The following ACVR1C variants were observed in gnomAD, a reference collection of about 807,000 sequenced individuals.
ACVR1C encodes activin receptor type-1C.
A neutral mutation model predicts 57.9 loss-of-function variants in ACVR1C; 23 were observed. That is an observed-to-expected ratio of 0.40 (90% confidence interval 0.29 to 0.56). ACVR1C has a LOEUF of 0.56. Among genes scored for constraint, ACVR1C ranks in the 20% least tolerant of loss-of-function variants. ACVR1C has a pLI of 0.50. For synonymous variants in ACVR1C, 214 were observed against 215.3 expected, an observed-to-expected ratio of 0.99 and a Z score of 0.05; for missense variants, 480 against 607.9, an observed-to-expected ratio of 0.79 and a Z score of 2.21.
chr2:157,624,939 T>A (rs774921327), intron 1 of ACVR1C, among the ~76,000 whole-genome samples: 24 of 152,216 alleles, frequency 1.6e-4, no homozygotes, highest in Non-Finnish European at 3.2e-4. Context: ...ACACTTATAC[T>A]AAAGAGGTAT....
Position 157,598,220 on chromosome 2 carries a change from C to T in ACVR1C, c.74-10803G>A, listed in dbSNP as rs542388127. On this transcript the variant is annotated intron_variant, in intron 1 of 8. Transcript: ENST00000243349. Reference sequence around the variant, plus strand: ...ACATTGAAAAAAAAAAAAAAAGCATCCTCTATTACTATGATTTCAAAAAAG... The same window carrying T: ...ACATTGAAAAAAAAAAAAAAAGCATTCTCTATTACTATGATTTCAAAAAAG... Among the ~76,000 whole-genome samples the T allele has an allele frequency of 2.6e-4, 37 of 143,972 alleles. No homozygotes were observed. In the South Asian group the frequency reaches 7.7e-3, roughly 30 times the overall value. 94.5% of individuals were successfully genotyped at this position (143,972 alleles called of 152,430 possible). A position where few individuals can be genotyped will look rare whatever the true frequency, so the allele number is the denominator to read the frequency against.
At chr2:157,586,434 CATTAA>C (rs1688922781) in intron 2 of ACVR1C, among the ~76,000 whole-genome samples, 1 of 151,886 alleles carries the variant, frequency 6.6e-6, no homozygotes, top group Non-Finnish European at 1.5e-5. Context: ...TATTGATAAT[CATTAA>C]ATTATTGTTA....
At chr2:157,534,820 C>T (rs1490839804) in intron 8 of ACVR1C, among the ~76,000 whole-genome samples, 2 of 152,014 alleles carry the variant, frequency 1.3e-5, no homozygotes, top group African/African-American at 4.8e-5. Context: ...TGATGGATCG[C>T]ATGTAATAGA....
Position 157,566,065 on chromosome 2 carries a change from G to A in ACVR1C, c.305-9733C>T, listed in dbSNP as rs149009615. On this transcript the variant is annotated intron_variant, in intron 2 of 8. Coordinates refer to ENST00000243349, the MANE Select transcript of ACVR1C (RefSeq NM_145259.3). ...TTAATTTCAGGACACATACCTAGCA[G>A]AAATGATAGTCTCTTAATCTCTGTT... 3.4e-3 allele frequency among the ~76,000 whole-genome samples: 514 copies of A among 152,308 alleles called. 1 individual carries two copies. The highest frequency in any genetic ancestry group is 0.012 in the African/African-American group (490 of 41,572).
intron 1 of ACVR1C, among the ~76,000 whole-genome samples, chr2:157,617,591 A>C (rs1386416111): frequency 6.6e-6 from 1 of 152,094 alleles, no homozygotes; most frequent in Non-Finnish European, 1.5e-5. Context: ...TCAAAATTTC[A>C]TGAGTACACA....
At chr2:157,598,507 G>T (rs1018535005) in intron 1 of ACVR1C, among the ~76,000 whole-genome samples, 1 of 150,404 alleles carries the variant, frequency 6.6e-6, no homozygotes, top group Non-Finnish European at 1.5e-5. Flanking sequence ...AAACATAATT[G>T]TATTTTATAA....
In ACVR1C at chr2:157,628,675, G is replaced by C. The variant is rs1290079505; in HGVS notation, c.-31C>G. The C allele has an allele frequency of 1.3e-6, 2 of 1,538,372 alleles. No homozygotes were observed. Among genetic ancestry groups the C allele is most frequent in the Admixed American group, 2.0e-5 (1 of 50,744 alleles). On this transcript the variant is annotated 5_prime_UTR_variant, in exon 1 of 9. Transcript: ENST00000243349. ...CCAGGCGGCCGCGCCGGGGCTGCGA[G>C]GCCCCAGAGCAGAGCGAGGCAGCCG...
chr2:157,602,926 T>C (rs1262198863), intron 1 of ACVR1C, among the ~76,000 whole-genome samples: 1 of 152,190 alleles, frequency 6.6e-6, no homozygotes, highest in Non-Finnish European at 1.5e-5. Flanking sequence ...GTTAAAGTCA[T>C]TTCTTGTTCC....
intron 2 of ACVR1C, among the ~76,000 whole-genome samples, chr2:157,585,302 GTAAA>G (rs1401918816): frequency 6.6e-6 from 1 of 151,968 alleles, no homozygotes; most frequent in African/African-American, 2.4e-5. Flanking sequence ...CTATTTTTTT[GTAAA>G]TAAATAAATA....
intron 1 of ACVR1C, among the ~76,000 whole-genome samples, chr2:157,620,478 T>C (rs1438974755): frequency 6.6e-6 from 1 of 152,134 alleles, no homozygotes; most frequent in Non-Finnish European, 1.5e-5. Flanking sequence ...TACTTAATAC[T>C]CTTTAATATA....
At chr2:157,538,428 G>T in intron 8 of ACVR1C, 145 bp downstream of exon 8, 1 of 747,930 alleles carries the variant, frequency 1.3e-6, no homozygotes, top group Non-Finnish European at 1.9e-6. Flanking sequence ...CACTAAAGGG[G>T]AAAAAATCCT....
chr2:157,609,629 G>C (rs569851743), intron 1 of ACVR1C, among the ~76,000 whole-genome samples: 1 of 152,018 alleles, frequency 6.6e-6, no homozygotes, highest in African/African-American at 2.4e-5. Flanking sequence ...AGTAATATCT[G>C]CTTCATGAAT....
Position 157,526,910 on chromosome 2 carries a change from A to G in ACVR1C, c.*7008T>C, listed in dbSNP as rs547565581. The stretch of plus-strand genomic sequence containing the variant: ...ATACATAAAAATATAACATTTAGGC[A>G]GATAATTATTTACATCTGAAGACAG... On this transcript the variant is annotated 3_prime_UTR_variant, in exon 9 of 9. Transcript: ENST00000243349. 6.6e-6 allele frequency: 1 copy of G among 152,326 alleles called. No individual in the cohort carries two copies. The highest frequency in any genetic ancestry group is 1.9e-4 in the East Asian group (1 of 5,188). The allele number at this position is 152,326 out of a possible 1,614,324, so 9.4% of individuals were successfully genotyped here.
intron 2 of ACVR1C, among the ~76,000 whole-genome samples, chr2:157,574,718 C>CA: frequency 6.6e-6 from 1 of 152,122 alleles, no homozygotes; most frequent in Non-Finnish European, 1.5e-5. Flanking sequence ...CTACAAATAA[C>CA]AAAGGAAACC....
intron 3 of ACVR1C, among the ~76,000 whole-genome samples, chr2:157,554,197 A>AG (rs1307922240): frequency 2.5e-5 from 3 of 118,818 alleles, no homozygotes; most frequent in Admixed American, 9.1e-5. Context: ...AAAAATAAAG[A>AG]AGAGAGAAAG....
chr2:157,553,995 C>T (rs1351178176), intron 3 of ACVR1C, among the ~76,000 whole-genome samples: 1 of 151,420 alleles, frequency 6.6e-6, no homozygotes, highest in African/African-American at 2.4e-5. Context: ...CCAGCCTGGC[C>T]AACATGGTGA....
At chr2:157,585,276 A>G (rs1688891609) in intron 2 of ACVR1C, among the ~76,000 whole-genome samples, 1 of 152,204 alleles carries the variant, frequency 6.6e-6, no homozygotes, top group Non-Finnish European at 1.5e-5. Context: ...CATCACACAT[A>G]TTCTCGATAA....
intron 2 of ACVR1C, among the ~76,000 whole-genome samples, chr2:157,565,449 G>A (rs931964838): frequency 2.0e-5 from 3 of 151,964 alleles, no homozygotes; most frequent in Non-Finnish European, 2.9e-5. Flanking sequence ...AAGTTAATTC[G>A]CTTAGATCCC....
chr2:157,544,560 G>A lies in ACVR1C; in HGVS notation c.828C>T (p.Gly276=), dbSNP rs748439879. Reference sequence around the variant, plus strand: ...TTCTATTCAAATAGTCATATAAGGAGCCCTGTTCATGATATTCAGATACCA... The same window carrying A: ...TTCTATTCAAATAGTCATATAAGGAACCCTGTTCATGATATTCAGATACCA... ...LWLVSEYHEQ[G]SLYDYLNRNI... The change falls in exon 5 of 9, where the codon GGC becomes GGT. Residue 276 remains glycine, a synonymous_variant. Transcript: ENST00000243349. The A allele has an allele frequency of 3.1e-6, 5 of 1,613,474 alleles. No homozygotes were observed. In the African/African-American group the frequency reaches 6.7e-5, roughly 22 times the overall value.
Sources: allele counts gnomAD v4.1 joint callset (sites outside exome capture counted in the v4.1 genomes callset), GRCh38; gene constraint gnomAD v4.1.1; transcripts MANE v1.5; gene names NCBI Gene and HGNC (gene_info 2026-07-23, HGNC 2026-07-21).